MEI1: variants seen among roughly 807,000 people sequenced by gnomAD.
The protein encoded by MEI1 is meiosis inhibitor protein 1.
A neutral mutation model predicts 146.2 loss-of-function variants in MEI1; 103 were observed. The ratio of observed to expected loss-of-function variants is 0.70; its 90% confidence interval spans 0.60 to 0.83. MEI1 has a LOEUF of 0.83. Among genes scored for constraint, MEI1 ranks in the 40% least tolerant of loss-of-function variants. The pLI is 0.00. For missense variants in MEI1, 1,529 were observed against 1,533.0 expected (o/e 1.00, Z 0.04); for synonymous variants, 652 against 628.2 (o/e 1.04, Z -0.57).
At chr22:41,758,649 T>C in intron 18 of MEI1, 116 bp downstream of exon 18, 1 of 1,089,952 alleles carries the variant, frequency 9.2e-7, no homozygotes, top group Non-Finnish European at 1.3e-6. Flanking sequence ...GACACGGGGA[T>C]AAGTAAGAAA....
chr22:41,745,135 AAG>A, intron 13 of MEI1, 71 bp downstream of exon 13: 1 of 1,100,180 alleles, frequency 9.1e-7, no homozygotes, highest in Non-Finnish European at 1.3e-6. Context: ...ACAATGGGTG[AAG>A]TTCTAGAGGC....
intron 3 of MEI1, among the ~76,000 whole-genome samples, chr22:41,713,297 T>C (rs560038944): frequency 8.2e-4 from 124 of 152,068 alleles, no homozygotes; most frequent in African/African-American, 2.9e-3. Flanking sequence ...ACAGACCCTG[T>C]CCCTACAAAA....
chr22:41,732,508 G>T lies in MEI1; in HGVS notation c.1236G>T (p.Met412Ile). 1 of 1,613,920 alleles carries T rather than the reference G, an allele frequency of 6.2e-7. No individual in the cohort carries two copies. Among genetic ancestry groups the T allele is most frequent in the Non-Finnish European group, 8.5e-7 (1 of 1,179,884 alleles). Residue 412 changes from methionine (M) to isoleucine (I), a missense_variant, in exon 11 of 31, where the codon ATG (methionine) becomes ATT (isoleucine). Transcript: ENST00000401548. ...EEIKLFTSSA[M>I]CRDAGRALQE... Reference sequence around the variant, plus strand: ...TCAAGCTGTTCACAAGCTCAGCCATGTGCAGAGATGCTGGCCGTGCCCTCC... The same window carrying T: ...TCAAGCTGTTCACAAGCTCAGCCATTTGCAGAGATGCTGGCCGTGCCCTCC...
chr22:41,763,105 A>G, intron 18 of MEI1, 69 bp from the exon 19 acceptor site: 3 of 1,562,862 alleles, frequency 1.9e-6, no homozygotes, highest in South Asian at 1.2e-5. Flanking sequence ...GGATGCGGCC[A>G]GGCAGAATAG....
At chr22:41,752,379 T>C (rs1019222564) in intron 15 of MEI1, 67 of 564,136 alleles carry the variant, frequency 1.2e-4, no homozygotes, top group African/African-American at 1.1e-3. Context: ...TACTTAGCTT[T>C]ACAACACCCT....
At chr22:41,771,593 A>G (rs1041524957) in intron 20 of MEI1, among the ~76,000 whole-genome samples, 6 of 123,198 alleles carry the variant, frequency 4.9e-5, no homozygotes, top group African/African-American at 1.7e-4. Flanking sequence ...ACGCCACCAC[A>G]CCCAACTAAT....
At chr22:41,791,010 C>G (rs2076162465) in intron 26 of MEI1, among the ~76,000 whole-genome samples, 1 of 152,098 alleles carries the variant, frequency 6.6e-6, no homozygotes, top group Non-Finnish European at 1.5e-5. Context: ...GAAGGGCATT[C>G]CGGCAGGACA....
At chr22:41,796,005 T>A (rs2076344843) in intron 30 of MEI1, among the ~76,000 whole-genome samples, 158 bp downstream of exon 30, 1 of 152,150 alleles carries the variant, frequency 6.6e-6, no homozygotes, top group South Asian at 2.1e-4. Flanking sequence ...TGACCTGTCT[T>A]GGCCTGGGCA....
chr22:41,796,992 A>G lies in MEI1; in HGVS notation c.3779+1145A>G, dbSNP rs141757241. On this transcript the variant is annotated intron_variant, in intron 30 of 30. Coordinates refer to ENST00000401548, the MANE Select transcript of MEI1 (RefSeq NM_152513.4). ...TTTCATGAATAAAATTATATTTTTT[A>G]CATTCTTTTTATTTATTTTTTTTAA... Among the ~76,000 whole-genome samples the G allele has an allele frequency of 1.1e-3, 160 of 152,288 alleles. 1 individual carries two copies. The Middle Eastern group carries it at 0.014, about 13-fold the overall frequency.
At chr22:41,782,720 T>C (rs994122108) in intron 24 of MEI1, among the ~76,000 whole-genome samples, 2 of 152,258 alleles carry the variant, frequency 1.3e-5, no homozygotes, top group Non-Finnish European at 2.9e-5. Context: ...GTGGTTGGTT[T>C]AGGACAGAAA....
At position 41,753,972 on chromosome 22, in the gene MEI1, G is replaced by A; in HGVS notation, c.1877G>A (p.Cys626Tyr). Residue 626 changes from cysteine to tyrosine, a missense_variant, in exon 17 of 31, where the codon TGT (cysteine) becomes TAT (tyrosine). Physicochemically the swap from Cys to Tyr is radical, Grantham distance 194 (BLOSUM62 -2). Coordinates refer to ENST00000401548, the MANE Select transcript of MEI1 (RefSeq NM_152513.4). ...GLSHSALNQVCSNFLYYMCLN... is the reference protein window; with the variant it reads ...GLSHSALNQVYSNFLYYMCLN... ...AGTCACTCAGCCCTAAACCAGGTGTGTTCCAATTTCCTCTACTATATGTGC... is the reference window on the plus strand; with the variant it reads ...AGTCACTCAGCCCTAAACCAGGTGTATTCCAATTTCCTCTACTATATGTGC... The A allele has an allele frequency of 6.2e-7, 1 of 1,613,382 alleles. No homozygotes were observed. Among genetic ancestry groups the A allele is most frequent in the Non-Finnish European group, 8.5e-7 (1 of 1,179,358 alleles).
At chr22:41,725,058 C>G (rs2071200240) in intron 7 of MEI1, among the ~76,000 whole-genome samples, 2 of 151,908 alleles carry the variant, frequency 1.3e-5, no homozygotes, top group South Asian at 4.2e-4. Context: ...CCACCTTGGC[C>G]TCCAAAGTGC....
At chr22:41,782,707 C>A (rs572219089) in intron 24 of MEI1, among the ~76,000 whole-genome samples, 3 of 152,312 alleles carry the variant, frequency 2.0e-5, no homozygotes, top group African/African-American at 7.2e-5. Flanking sequence ...CAGGTTGTTG[C>A]CTGTGGTTGG....
intron 7 of MEI1, among the ~76,000 whole-genome samples, chr22:41,726,926 A>C (rs1303679056): frequency 6.6e-6 from 1 of 151,816 alleles, no homozygotes; most frequent in Non-Finnish European, 1.5e-5. Flanking sequence ...GGCGCCCGCC[A>C]CCACACCCAG....
At chr22:41,705,425 C>A in intron 2 of MEI1, 79 bp from the exon 3 acceptor site, 2 of 1,207,638 alleles carry the variant, frequency 1.7e-6, no homozygotes, top group Non-Finnish European at 2.5e-6. Context: ...GCCACCTCGG[C>A]CTCCCAAATT....
chr22:41,764,968 T>C (rs1407735800), intron 19 of MEI1, among the ~76,000 whole-genome samples: 1 of 152,096 alleles, frequency 6.6e-6, no homozygotes, highest in African/African-American at 2.4e-5. Flanking sequence ...ATACTAATAA[T>C]GTTCATGACC....
At chr22:41,797,429 T>C (rs1474539811) in intron 30 of MEI1, among the ~76,000 whole-genome samples, 3 of 151,728 alleles carry the variant, frequency 2.0e-5, no homozygotes, top group Admixed American at 6.6e-5. Flanking sequence ...CTGGCCAACA[T>C]GGTGAAACCC....
At chr22:41,774,050 C>A (rs1392420661) in intron 20 of MEI1, 1 of 152,134 alleles carries the variant, frequency 6.6e-6, no homozygotes, top group Non-Finnish European at 1.5e-5. Flanking sequence ...GAAAACAAAG[C>A]TGTTAATTGC....
At chr22:41,765,790 T>C (rs2074806966) in intron 19 of MEI1, among the ~76,000 whole-genome samples, 1 of 151,960 alleles carries the variant, frequency 6.6e-6, no homozygotes. Context: ...ACATAATCAG[T>C]GTACAGTGAT....
Sources: gnomAD v4.1 joint callset for allele counts (sites outside exome capture counted in the v4.1 genomes callset) on GRCh38, gnomAD v4.1.1 for gene constraint, MANE v1.5 for transcripts, NCBI Gene and HGNC (gene_info 2026-07-23, HGNC 2026-07-21) for gene names.